Variants in RUFY4 observed in about 807,000 individuals in gnomAD.
RUFY4 encodes RUN and FYVE domain-containing protein 4.
A neutral mutation model predicts 69.0 loss-of-function variants in RUFY4; 73 were observed. The ratio of observed to expected loss-of-function variants is 1.06; its 90% confidence interval spans 0.88 to 1.29. The LOEUF (loss-of-function observed/expected upper bound fraction) is 1.29. Ranked by LOEUF, RUFY4 falls within the 50% of genes most tolerant of loss-of-function variation. The pLI, the probability that RUFY4 is intolerant of heterozygous loss-of-function variation, is 0.00. For synonymous variants in RUFY4, 287 were observed against 271.8 expected (o/e 1.06, Z -0.55); for missense variants, 770 against 705.6 (o/e 1.09, Z -1.03).
chr2:218,084,783 C>G (rs1416141281), intron 9 of RUFY4, among the ~76,000 whole-genome samples: 1 of 152,144 alleles, frequency 6.6e-6, no homozygotes, highest in East Asian at 1.9e-4. Flanking sequence ...CAGTGGCTCA[C>G]AGGCCTGTAA....
At chr2:218,074,245 C>G (rs4674244) in intron 6 of RUFY4, among the ~76,000 whole-genome samples, 37,773 of 152,128 alleles carry the variant, frequency 0.25, 5,800 homozygotes, top group East Asian at 0.35. Flanking sequence ...TGACACATGA[C>G]TCAGTTCAGT....
At chr2:218,075,421 T>C (rs1205356322) in exon 7 of RUFY4, 1 of 1,612,374 alleles carries the variant, frequency 6.2e-7, no homozygotes, top group East Asian at 2.2e-5. Flanking sequence ...AAGGAGGTGA[T>C]AGGGATGGAG....
chr2:218,076,185 C>T (rs986622248), intron 7 of RUFY4, among the ~76,000 whole-genome samples: 47 of 152,330 alleles, frequency 3.1e-4, no homozygotes, highest in African/African-American at 1.1e-3. Context: ...TCGGCCTCCA[C>T]CCAGGAACTT....
Position 218,055,386 on chromosome 2 carries a change from C to A in RUFY4, c.-1157-3209C>A, listed in dbSNP as rs371279738. Among the ~76,000 whole-genome samples, 214 of 147,970 alleles carry A rather than the reference C, an allele frequency of 1.4e-3. 1 individual carries two copies. The highest frequency in any genetic ancestry group is 5.4e-3 in the African/African-American group (205 of 38,158). ...CTCCAGCCTGGGCAACAGGGTGAGA[C>A]CCTGTCTCAAAAAAAAAAAAAAAAT... On this transcript the variant is annotated intron_variant and NMD_transcript_variant, in intron 2 of 13. Transcript: ENST00000457754.
chr2:218,070,971 G>A, intron 2 of RUFY4, 112 bp downstream of exon 4: 1 of 751,286 alleles, frequency 1.3e-6, no homozygotes, highest in Non-Finnish European at 2.1e-6. Flanking sequence ...CATGCACTGT[G>A]TCATCTCCCT....
exon 10 of RUFY4, chr2:218,089,312 T>C: frequency 6.2e-7 from 1 of 1,613,918 alleles, no homozygotes. Flanking sequence ...CCGAGTGCTG[T>C]GTGGCCTGTA....
At chr2:218,039,314 TG>T (rs2106025024) in intron 2 of RUFY4, among the ~76,000 whole-genome samples, 1 of 152,242 alleles carries the variant, frequency 6.6e-6, no homozygotes, top group East Asian at 1.9e-4. Flanking sequence ...GCAGACCAGG[TG>T]GGCTGTGTGT....
At chr2:218,045,627 AT>A (rs2106028477) in intron 2 of RUFY4, among the ~76,000 whole-genome samples, 1 of 152,188 alleles carries the variant, frequency 6.6e-6, no homozygotes, top group South Asian at 2.1e-4. Context: ...TTTGTTTGAT[AT>A]TTTGTTAATA....
chr2:218,047,069 C>T (rs1027175428), intron 2 of RUFY4, among the ~76,000 whole-genome samples: 2 of 149,170 alleles, frequency 1.3e-5, no homozygotes, highest in East Asian at 3.9e-4. Flanking sequence ...AAGTTTAGCT[C>T]TTTTAGTATT....
chr2:218,063,302 C>T (rs955535671), intron 3 of RUFY4, among the ~76,000 whole-genome samples: 24 of 152,084 alleles, frequency 1.6e-4, no homozygotes, highest in African/African-American at 5.8e-4. Flanking sequence ...CAGAGAAAAA[C>T]CAGAAAGTTA....
chr2:218,039,759 T>G (rs746078006), intron 2 of RUFY4, among the ~76,000 whole-genome samples: 3 of 152,196 alleles, frequency 2.0e-5, no homozygotes, highest in Non-Finnish European at 4.4e-5. Context: ...CCATCCAGAC[T>G]CTGGGAGTGG....
chr2:218,090,108 C>A, exon 11 of RUFY4: 1 of 1,102,098 alleles, frequency 9.1e-7, no homozygotes, highest in Non-Finnish European at 1.3e-6. Context: ...CCATCCCACT[C>A]AATCCACTCC....
chr2:218,063,375 A>G (rs11677373), intron 3 of RUFY4, among the ~76,000 whole-genome samples: 1 of 152,214 alleles, frequency 6.6e-6, no homozygotes, highest in Admixed American at 6.5e-5. Context: ...ATGCCCAAGA[A>G]CAATGTGGGT....
At chr2:218,086,165 A>C (rs1689890050) in intron 9 of RUFY4, among the ~76,000 whole-genome samples, 1 of 152,228 alleles carries the variant, frequency 6.6e-6, no homozygotes, top group Non-Finnish European at 1.5e-5. Flanking sequence ...CTTAGAAGGT[A>C]GAATAAAAAG....
chr2:218,057,271 A>T (rs948850651), intron 2 of RUFY4, among the ~76,000 whole-genome samples: 1 of 152,198 alleles, frequency 6.6e-6, no homozygotes, highest in African/African-American at 2.4e-5. Flanking sequence ...CTGTGTACAC[A>T]CCCTGAATTG....
intron 3 of RUFY4, chr2:218,060,746 T>G: frequency 6.8e-7 from 1 of 1,472,864 alleles, no homozygotes; most frequent in Non-Finnish European, 9.5e-7. Context: ...AACAGCATGA[T>G]CGCAGCGGCA....
rs564804945 is a variant in RUFY4, at chr2:218,074,829, G to A, written c.601-264G>A. On this transcript the variant is annotated intron_variant, in intron 6 of 10. Coordinates refer to ENST00000344321, the Ensembl canonical transcript of RUFY4. ...AACCAGATCAATACCCAAGACCCAG[G>A]TGCAGGAGGGAGAAGGATGTGGGCT... Among the ~76,000 whole-genome samples the A allele has an allele frequency of 2.5e-4, 38 of 152,262 alleles. No homozygotes were observed. In the East Asian group the frequency reaches 6.4e-3, roughly 26 times the overall value.
intron 3 of RUFY4, chr2:218,061,170 C>T (rs181756261): frequency 1.5e-4 from 63 of 422,694 alleles, no homozygotes; most frequent in South Asian, 6.9e-4. Context: ...AGGTAGACAT[C>T]GGTGACAGTG....
chr2:218,061,165 G>A (rs1167546231), intron 3 of RUFY4: 2 of 426,120 alleles, frequency 4.7e-6, no homozygotes, highest in African/African-American at 2.1e-5. Context: ...TCAGCAGGTA[G>A]ACATCGGTGA....
Sources: gnomAD v4.1 joint callset for allele counts (sites outside exome capture counted in the v4.1 genomes callset) on GRCh38, gnomAD v4.1.1 for gene constraint, MANE v1.5 for transcripts, NCBI Gene and HGNC (gene_info 2026-07-23, HGNC 2026-07-21) for gene names.